Variants in VPS13B observed in about 807,000 individuals in gnomAD.
VPS13B encodes the protein vacuolar protein sorting 13 homolog B, also known as intermembrane lipid transfer protein VPS13B.
A neutral mutation model predicts 426.4 loss-of-function variants in VPS13B; 285 were observed. The ratio of observed to expected loss-of-function variants is 0.67; its 90% confidence interval spans 0.61 to 0.74. VPS13B has a LOEUF of 0.74. VPS13B is among the 30% of genes least tolerant of loss of function. VPS13B has a pLI of 0.00. For synonymous variants in VPS13B, 1,676 were observed against 1,676.4 expected, an observed-to-expected ratio of 1.00 and a Z score of 0.01; for missense variants, 4,537 against 4,782.6, an observed-to-expected ratio of 0.95 and a Z score of 1.51.
intron 33 of VPS13B, among the ~76,000 whole-genome samples, chr8:99,606,363 C>T (rs548645132): frequency 6.6e-6 from 1 of 152,102 alleles, no homozygotes; most frequent in East Asian, 1.9e-4. Context: ...AGCAGTCTGA[C>T]ACAGATGTCT....
At chr8:99,812,581 C>A (rs547807747) in intron 44 of VPS13B, among the ~76,000 whole-genome samples, 1 of 152,002 alleles carries the variant, frequency 6.6e-6, no homozygotes, top group Non-Finnish European at 1.5e-5. Flanking sequence ...TTTCTTATAC[C>A]CCTCTCATTT....
chr8:99,763,475 T>C (rs1312415350), intron 39 of VPS13B, among the ~76,000 whole-genome samples: 1 of 152,156 alleles, frequency 6.6e-6, no homozygotes, highest in Non-Finnish European at 1.5e-5. Context: ...AGATGTCACA[T>C]ACAGAAATAA....
At chr8:99,556,346 GA>G (rs1459844957) in intron 30 of VPS13B, 103 bp from the exon 31 acceptor site, 7 of 1,274,684 alleles carry the variant, frequency 5.5e-6, no homozygotes, top group East Asian at 5.0e-5. Context: ...TAATCCAAAG[GA>G]AAAAAATGGT....
chr8:99,352,905 A>AT (rs1206646810), intron 19 of VPS13B, among the ~76,000 whole-genome samples: 6 of 152,236 alleles, frequency 3.9e-5, no homozygotes, highest in Middle Eastern at 3.4e-3. Flanking sequence ...ATGCAATAAT[A>AT]GCATAGTTTG....
chr8:99,457,628 C>T (rs1334273138), intron 23 of VPS13B, among the ~76,000 whole-genome samples: 2 of 150,036 alleles, frequency 1.3e-5, no homozygotes, highest in African/African-American at 4.9e-5. Context: ...TTTTTAATAG[C>T]TTTGTGTTTA....
intron 33 of VPS13B, among the ~76,000 whole-genome samples, chr8:99,629,259 G>C (rs1479938339): frequency 6.6e-6 from 1 of 152,102 alleles, no homozygotes; most frequent in Admixed American, 6.6e-5. Flanking sequence ...TGGCATTGTT[G>C]CTTTAAAGAA....
intron 35 of VPS13B, among the ~76,000 whole-genome samples, chr8:99,694,766 C>G (rs1304373844): frequency 2.0e-5 from 3 of 152,066 alleles, no homozygotes; most frequent in African/African-American, 7.2e-5. Flanking sequence ...AGGCAACCTA[C>G]AACATGGGAG....
intron 21 of VPS13B, among the ~76,000 whole-genome samples, chr8:99,423,324 T>A (rs1381314334): frequency 6.6e-6 from 1 of 152,058 alleles, no homozygotes; most frequent in East Asian, 1.9e-4. Context: ...TGGGGCAAAC[T>A]TGACTCACTG....
At chr8:99,411,135 C>G (rs1449160683) in intron 21 of VPS13B, among the ~76,000 whole-genome samples, 4 of 152,166 alleles carry the variant, frequency 2.6e-5, no homozygotes, top group Non-Finnish European at 5.9e-5. Context: ...TGAGGAATTG[C>G]CACACTGTCT....
At chr8:99,263,849 C>T (rs1368311326) in intron 17 of VPS13B, among the ~76,000 whole-genome samples, 2 of 152,148 alleles carry the variant, frequency 1.3e-5, no homozygotes, top group Admixed American at 1.3e-4. Context: ...ATTATTCTGT[C>T]TGTCATAGAG....
intron 10 of VPS13B, 58 bp downstream of exon 10, chr8:99,135,195 C>G (rs1169489022): frequency 1.1e-5 from 18 of 1,604,378 alleles, no homozygotes; most frequent in Middle Eastern, 1.7e-4. Flanking sequence ...TAAGTGCTTA[C>G]TGAAGTGTTT....
At chr8:99,597,879 A>G (rs762820474) in intron 33 of VPS13B, among the ~76,000 whole-genome samples, 2 of 152,034 alleles carry the variant, frequency 1.3e-5, no homozygotes, top group Non-Finnish European at 2.9e-5. Flanking sequence ...CCCAGGGAAA[A>G]TACTGAGCAC....
At chr8:99,184,872 T>A (rs2132705099) in intron 16 of VPS13B, among the ~76,000 whole-genome samples, 1 of 152,294 alleles carries the variant, frequency 6.6e-6, no homozygotes, top group East Asian at 1.9e-4. Flanking sequence ...GCTCCTGTAA[T>A]CCCAGCTACT....
chr8:99,643,600 C>T (rs1469809963), intron 34 of VPS13B, among the ~76,000 whole-genome samples: 2 of 152,140 alleles, frequency 1.3e-5, no homozygotes, highest in African/African-American at 4.8e-5. Context: ...AGGCTGCTTG[C>T]TGGCCCTCTC....
At chr8:99,379,261 G>C (rs899692167) in intron 19 of VPS13B, among the ~76,000 whole-genome samples, 1 of 152,122 alleles carries the variant, frequency 6.6e-6, no homozygotes, top group African/African-American at 2.4e-5. Flanking sequence ...TAAAGACTGG[G>C]GATTGTTGGT....
intron 3 of VPS13B, among the ~76,000 whole-genome samples, chr8:99,086,881 C>T (rs930292902): frequency 6.6e-6 from 1 of 152,148 alleles, no homozygotes; most frequent in African/African-American, 2.4e-5. Context: ...GGGGGTGCCT[C>T]CCAGTTAGGC....
chr8:99,492,694 C>G (rs1020642744), intron 25 of VPS13B, among the ~76,000 whole-genome samples: 1 of 152,232 alleles, frequency 6.6e-6, no homozygotes, highest in Non-Finnish European at 1.5e-5. Context: ...GTGGAATCCC[C>G]TCGTCTGCTG....
chr8:99,044,088 T>TC (rs1843094840), intron 3 of VPS13B, among the ~76,000 whole-genome samples: 1 of 137,404 alleles, frequency 7.3e-6, no homozygotes, highest in South Asian at 2.5e-4. Context: ...TTCTTTCTTT[T>TC]TTTTTTTTTT....
At chr8:99,095,286 C>G (rs768450381) in intron 3 of VPS13B, among the ~76,000 whole-genome samples, 1 of 152,110 alleles carries the variant, frequency 6.6e-6, no homozygotes, top group East Asian at 1.9e-4. Flanking sequence ...AAGGTCTGTG[C>G]CTTTAACTTC....
Sources: allele counts gnomAD v4.1 joint callset (sites outside exome capture counted in the v4.1 genomes callset), GRCh38; gene constraint gnomAD v4.1.1; transcripts MANE v1.5; gene names NCBI Gene and HGNC (gene_info 2026-07-23, HGNC 2026-07-21).